The following NEDD9 variants were observed in gnomAD, a reference collection of about 807,000 sequenced individuals.
NEDD9 encodes neural precursor cell expressed, developmentally down-regulated 9, also known as enhancer of filamentation 1.
In NEDD9, 26 loss-of-function variants were observed where a neutral mutation model predicts 76.6. The ratio of observed to expected loss-of-function variants is 0.34; its 90% CI spans 0.25 to 0.47. The LOEUF is 0.47. Ranked by LOEUF, NEDD9 falls within the 20% of genes least tolerant of loss-of-function variation. NEDD9 has a pLI of 1.00. For missense variants in NEDD9, 937 were observed against 1,058.5 expected (o/e 0.89, Z 1.59); for synonymous variants, 392 against 414.2 (o/e 0.95, Z 0.65).
chr6:11,313,203 G>T (rs1761427662), intron 2 of NEDD9, among the ~76,000 whole-genome samples: 1 of 151,716 alleles, frequency 6.6e-6, no homozygotes, highest in African/African-American at 2.4e-5. Context: ...ATGGATCAAT[G>T]GGTAGATATA....
chr6:11,193,941 C>T (rs1210867031), intron 2 of NEDD9, among the ~76,000 whole-genome samples: 1 of 151,520 alleles, frequency 6.6e-6, no homozygotes, highest in Non-Finnish European at 1.5e-5. Flanking sequence ...CTTACAGCAA[C>T]CTCTGCCTCC....
chr6:11,346,229 T>C (rs1344541999), intron 1 of NEDD9, among the ~76,000 whole-genome samples: 1 of 152,184 alleles, frequency 6.6e-6, no homozygotes, highest in Non-Finnish European at 1.5e-5. Flanking sequence ...TGAACAAACA[T>C]GGCTGTGAAT....
chr6:11,298,671 G>A (rs149622041), intron 3 of NEDD9, among the ~76,000 whole-genome samples: 2 of 152,316 alleles, frequency 1.3e-5, no homozygotes, highest in Admixed American at 6.5e-5. Flanking sequence ...TATTCATAGA[G>A]AAATTGGTAT....
intron 3 of NEDD9, among the ~76,000 whole-genome samples, chr6:11,300,926 A>G (rs1460715176): frequency 1.3e-5 from 2 of 152,250 alleles, no homozygotes; most frequent in East Asian, 3.8e-4. Flanking sequence ...CAAATTGTAA[A>G]GACCATTGAT....
rs927493130 is a variant in NEDD9 at position 11,185,441 on chromosome 6, G to A, written c.2226C>T (p.Phe742=). ...GGATGACAAACTTGCTGTGTGCCAC[G>A]AAGATTCGCGGGGGCTGGGCTGAGC... ...CVSSAQPPRI[F]VAHSKFVILS... is the part of the protein sequence containing the mutation. The change falls in exon 7 of 7, where the codon TTC becomes TTT. Residue 742 remains phenylalanine, a synonymous_variant. Transcript: ENST00000379446. The A allele has an allele frequency of 3.1e-6, 5 of 1,614,236 alleles. No individual in the cohort carries two copies. In the South Asian group the frequency reaches 3.3e-5, roughly 11 times the overall value.
chr6:11,334,430 G>C (rs1358778891), intron 2 of NEDD9: 2 of 152,052 alleles, frequency 1.3e-5, no homozygotes, highest in African/African-American at 4.8e-5. Context: ...GCAAGATAAG[G>C]GTGCCCCTGT....
At chr6:11,287,179 C>A (rs1280026954) in intron 3 of NEDD9, among the ~76,000 whole-genome samples, 1 of 152,166 alleles carries the variant, frequency 6.6e-6, no homozygotes, top group Non-Finnish European at 1.5e-5. Flanking sequence ...TTAGTCTCAG[C>A]ACTTTGGGAG....
At chr6:11,245,874 TA>T (rs1358107146) in intron 3 of NEDD9, among the ~76,000 whole-genome samples, 1 of 152,142 alleles carries the variant, frequency 6.6e-6, no homozygotes, top group Non-Finnish European at 1.5e-5. Flanking sequence ...TATTTTGTCA[TA>T]AAATGCCATA....
At chr6:11,319,606 C>G (rs566912686) in intron 2 of NEDD9, among the ~76,000 whole-genome samples, 125 of 96,378 alleles carry the variant, frequency 1.3e-3, no homozygotes, top group Non-Finnish European at 2.4e-3. Flanking sequence ...ACTAACCATG[C>G]ACACTCACAC....
intron 2 of NEDD9, among the ~76,000 whole-genome samples, chr6:11,331,931 A>C (rs1246659075): frequency 6.6e-6 from 1 of 152,242 alleles, no homozygotes; most frequent in African/African-American, 2.4e-5. Context: ...TGTAGTTCAA[A>C]TGCAGTAATA....
chr6:11,338,499 A>G lies in NEDD9; in HGVS notation c.-213-3938T>C, dbSNP rs141643769. ...AAACTAATACTCTCAGGGACCCTTA[A>G]GTGAAGCATCAGAAAGAAGCACTTT... On this transcript the variant is annotated intron_variant, in intron 1 of 3. Transcript: ENST00000397378. Among the ~76,000 whole-genome samples the G allele has an allele frequency of 1.2e-3, 179 of 152,336 alleles. 1 individual carries two copies. The highest frequency in any genetic ancestry group is 3.8e-3 in the African/African-American group (157 of 41,568).
rs941974539 is a variant in NEDD9, at chr6:11,198,144, C to T, written c.460-4452G>A. Among the ~76,000 whole-genome samples, 4 of 152,210 alleles carry T rather than the reference C, an allele frequency of 2.6e-5. No individual in the cohort carries two copies. Among genetic ancestry groups the T allele is most frequent in the African/African-American group, 7.2e-5 (3 of 41,452 alleles). On this transcript the variant is annotated intron_variant, in intron 2 of 6. Coordinates refer to ENST00000379446, the MANE Select transcript of NEDD9 (RefSeq NM_006403.4). This position sits in a 1 kb window ranked among gnomAD's most constrained non-coding sequence, Gnocchi z 4.7. ...TTGCGCCCTGTGTTGCCAGATCTTT[C>T]ACGTTTTCAGAAGCCAGAAATTTGG...
At chr6:11,296,948 T>G (rs1378438731) in intron 3 of NEDD9, among the ~76,000 whole-genome samples, 1 of 152,102 alleles carries the variant, frequency 6.6e-6, no homozygotes, top group African/African-American at 2.4e-5. Context: ...AGGCTAGTCT[T>G]GAACTCCTGA....
At chr6:11,204,680 A>ACTGCACTCCAGC (rs1332349381) in intron 2 of NEDD9, among the ~76,000 whole-genome samples, 2 of 141,206 alleles carry the variant, frequency 1.4e-5, no homozygotes, top group Admixed American at 1.6e-4. Context: ...AGATTGTGCC[A>ACTGCACTCCAGC]CTGCACTCCA....
intron 3 of NEDD9, among the ~76,000 whole-genome samples, chr6:11,249,685 A>T (rs1044094006): frequency 1.3e-5 from 2 of 152,214 alleles, no homozygotes. Flanking sequence ...AGTACCTACT[A>T]GGTAAATATG....
At chr6:11,187,983 T>C (rs1027371713) in intron 6 of NEDD9, among the ~76,000 whole-genome samples, 2 of 152,238 alleles carry the variant, frequency 1.3e-5, no homozygotes, top group African/African-American at 4.8e-5. Context: ...ATGTTAGATA[T>C]GCAGGTTTAG....
At chr6:11,238,018 T>A (rs1196247308) in intron 3 of NEDD9, among the ~76,000 whole-genome samples, 1 of 152,198 alleles carries the variant, frequency 6.6e-6, no homozygotes, top group Admixed American at 6.5e-5. Flanking sequence ...AGGCAGCAAC[T>A]TTTCCAGTCT....
At chr6:11,224,411 C>T (rs992193445) in intron 1 of NEDD9, among the ~76,000 whole-genome samples, 4 of 152,148 alleles carry the variant, frequency 2.6e-5, no homozygotes, top group African/African-American at 4.8e-5. Flanking sequence ...GTGTGCTTGT[C>T]ATGCTGGGCT....
At chr6:11,294,237 T>C (rs1388312251) in intron 3 of NEDD9, among the ~76,000 whole-genome samples, 1 of 152,204 alleles carries the variant, frequency 6.6e-6, no homozygotes, top group Admixed American at 6.5e-5. Flanking sequence ...TTTTTAAATT[T>C]TGAGGAACCT....
Sources: gnomAD v4.1 joint callset for allele counts (sites outside exome capture counted in the v4.1 genomes callset) on GRCh38, gnomAD v4.1.1 for gene constraint, Gnocchi (gnomAD v3.1) non-coding constraint, MANE v1.5 for transcripts, NCBI Gene and HGNC (gene_info 2026-07-23, HGNC 2026-07-21) for gene names.